The following MCPH1 variants were observed in gnomAD, a reference collection of about 807,000 sequenced individuals.
MCPH1 encodes the protein microcephalin 1, also known as microcephalin.
Under a neutral mutation model 84.5 loss-of-function variants are expected in MCPH1, and 104 were observed. That is an observed-to-expected ratio of 1.23 (90% CI 1.05 to 1.45). The LOEUF (loss-of-function observed/expected upper bound fraction) is 1.45, where lower values mean the gene tolerates loss of function less well. MCPH1 is among the 40% of genes most tolerant of loss of function. MCPH1 has a pLI of 0.00. For missense variants in MCPH1, 1,498 were observed against 1,005.7 expected (o/e 1.49, Z -6.62); for synonymous variants, 514 against 366.8 (o/e 1.40, Z -4.58).
intron 13 of MCPH1, among the ~76,000 whole-genome samples, chr8:6,632,567 T>G (rs2129582427): frequency 6.6e-6 from 1 of 152,290 alleles, no homozygotes; most frequent in East Asian, 1.9e-4. Context: ...CCCAACACTT[T>G]GGAAGGCCGA....
chr8:6,616,618 A>G, intron 12 of MCPH1: 1 of 152,282 alleles, frequency 6.6e-6, no homozygotes, highest in Non-Finnish European at 1.5e-5. Context: ...GGCTCCTAGG[A>G]GGAGCTCATG....
intron 5 of MCPH1, among the ~76,000 whole-genome samples, chr8:6,436,765 A>G (rs2922832): frequency 1.3e-5 from 2 of 151,750 alleles, no homozygotes; most frequent in Non-Finnish European, 2.9e-5. Flanking sequence ...GTCAGGAGAT[A>G]GAGACCATCC....
At chr8:6,451,424 C>A (rs1805068100) in intron 8 of MCPH1, among the ~76,000 whole-genome samples, 1 of 152,206 alleles carries the variant, frequency 6.6e-6, no homozygotes, top group African/African-American at 2.4e-5. Flanking sequence ...AGGGAAGGTA[C>A]AGTCAAGATA....
chr8:6,500,826 T>G (rs1812028372), intron 12 of MCPH1: 1 of 152,224 alleles, frequency 6.6e-6, no homozygotes, highest in Admixed American at 6.5e-5. Flanking sequence ...TAAGAGATTA[T>G]ATATGATGCA....
At chr8:6,463,454 AT>A (rs1806503220) in intron 9 of MCPH1, among the ~76,000 whole-genome samples, 1 of 152,192 alleles carries the variant, frequency 6.6e-6, no homozygotes, top group Admixed American at 6.6e-5. Context: ...AAGAAAGTAT[AT>A]TTCAGAGAGC....
chr8:6,450,537 G>A (rs1200362437), intron 8 of MCPH1, among the ~76,000 whole-genome samples: 1 of 149,798 alleles, frequency 6.7e-6, no homozygotes, highest in African/African-American at 2.5e-5. Flanking sequence ...GCTCTGTTAT[G>A]TGTGGGTATT....
chr8:6,538,251 A>G (rs1563088971), intron 12 of MCPH1, among the ~76,000 whole-genome samples: 1 of 152,186 alleles, frequency 6.6e-6, no homozygotes, highest in Non-Finnish European at 1.5e-5. Flanking sequence ...ATTTAGAAAT[A>G]AGATATTGCA....
intron 13 of MCPH1, chr8:6,625,398 T>A: frequency 1.0e-6 from 1 of 985,448 alleles, no homozygotes; most frequent in Non-Finnish European, 1.2e-6. Flanking sequence ...TTGGAGACTT[T>A]TTTTCCTCCC....
chr8:6,637,433 G>C (rs924512343), intron 13 of MCPH1, among the ~76,000 whole-genome samples: 1 of 152,188 alleles, frequency 6.6e-6, no homozygotes, highest in African/African-American at 2.4e-5. Flanking sequence ...GAGAGGTCAG[G>C]AGAAGCGGTA....
intron 13 of MCPH1, chr8:6,622,081 G>A (rs1173954534): frequency 5.8e-6 from 2 of 347,582 alleles, no homozygotes; most frequent in African/African-American, 2.1e-5. Flanking sequence ...CCGGCACTGG[G>A]GCCCAAGCCC....
intron 12 of MCPH1, among the ~76,000 whole-genome samples, chr8:6,573,290 G>A (rs1826814788): frequency 6.6e-6 from 1 of 152,068 alleles, no homozygotes; most frequent in African/African-American, 2.4e-5. Context: ...AGAGACCAGA[G>A]CAGAAGCTGC....
In MCPH1 at chr8:6,508,761, A is replaced by T. The variant is rs796204178; in HGVS notation, c.2214+8832A>T. The T allele has an allele frequency of 1.7e-5, 16 of 918,710 alleles. No individual in the cohort carries two copies. In the African/African-American group the frequency reaches 2.7e-4, roughly 15 times the overall value. 56.9% of individuals were successfully genotyped at this position (918,710 alleles called of 1,614,324 possible). On this transcript the variant is annotated intron_variant, in intron 12 of 13. Transcript: ENST00000344683. ...GCTCCATATCATATTCTCACTTAAA[A>T]CTTAGTCTAAAAAAAGTGAAAAACA...
chr8:6,439,534 G>A (rs1311159532), intron 6 of MCPH1, among the ~76,000 whole-genome samples: 2 of 151,268 alleles, frequency 1.3e-5, no homozygotes, highest in East Asian at 3.9e-4. Flanking sequence ...ACAGGCGCCT[G>A]TCACCACTCC....
chr8:6,428,331 G>A (rs550583537), intron 3 of MCPH1, among the ~76,000 whole-genome samples: 9 of 152,054 alleles, frequency 5.9e-5, no homozygotes, highest in Non-Finnish European at 1.0e-4. Context: ...TCAGTATGTC[G>A]CTAGGCGATA....
At chr8:6,631,053 T>C (rs895450037) in intron 13 of MCPH1, among the ~76,000 whole-genome samples, 2 of 152,150 alleles carry the variant, frequency 1.3e-5, no homozygotes, top group Non-Finnish European at 2.9e-5. Flanking sequence ...ACCAAATGCA[T>C]ACGGCAACCA....
At chr8:6,521,633 C>T (rs1328249089) in intron 12 of MCPH1, among the ~76,000 whole-genome samples, 1 of 152,162 alleles carries the variant, frequency 6.6e-6, no homozygotes, top group Non-Finnish European at 1.5e-5. Flanking sequence ...TATGTACATG[C>T]AGACTTATGC....
At chr8:6,535,616 C>T (rs1422318219) in intron 12 of MCPH1, among the ~76,000 whole-genome samples, 1 of 152,016 alleles carries the variant, frequency 6.6e-6, no homozygotes. Context: ...TAAATATATA[C>T]AGCTCTTGAA....
rs1218292162 is a variant in MCPH1 at position 6,420,884 on chromosome 8, AG to A, written c.233+6002del. ...ATTCCACGGAGGAGCATAAGGCAAA[AG>A]AAGAGACTGACGCAAGGGTCAGAGC... On this transcript the variant is annotated intron_variant, in intron 3 of 13. Transcript: ENST00000344683. 2.0e-5 allele frequency among the ~76,000 whole-genome samples: 3 copies of A among 152,196 alleles called. No homozygotes were observed. The East Asian group carries it at 5.8e-4, about 29-fold the overall frequency.
At chr8:6,482,395 G>C (rs1025677619) in intron 11 of MCPH1, among the ~76,000 whole-genome samples, 40 of 152,114 alleles carry the variant, frequency 2.6e-4, no homozygotes, top group Admixed American at 2.0e-4. Flanking sequence ...ATCCCCCAGG[G>C]GGCCACGGAC....
Sources: gnomAD v4.1 joint callset for allele counts (sites outside exome capture counted in the v4.1 genomes callset) on GRCh38, gnomAD v4.1.1 for gene constraint, MANE v1.5 for transcripts, NCBI Gene and HGNC (gene_info 2026-07-23, HGNC 2026-07-21) for gene names.